TSEN2: variants seen among roughly 807,000 people sequenced by gnomAD.
The protein encoded by TSEN2 is tRNA splicing endonuclease subunit 2.
Under a neutral mutation model 59.2 loss-of-function variants are expected in TSEN2, and 54 were observed. The observed-to-expected ratio is 0.91, with a 90% CI of 0.73 to 1.14. The LOEUF (loss-of-function observed/expected upper bound fraction) is 1.14. TSEN2 is among the 50% of genes most tolerant of loss of function. The pLI is 0.00. For missense variants in TSEN2, 636 were observed against 576.2 expected (o/e 1.10, Z -1.06); for synonymous variants, 195 against 198.2 (o/e 0.98, Z 0.14).
rs1410715306 is a variant in TSEN2, at chr3:12,502,542, TAAC to T, written c.309-714_309-712del. 2.2e-3 allele frequency among the ~76,000 whole-genome samples: 336 copies of T among 151,144 alleles called. 1 individual carries two copies. The highest frequency in any genetic ancestry group is 7.6e-3 in the African/African-American group (312 of 41,178). On this transcript the variant is annotated intron_variant, in intron 4 of 11. Coordinates refer to ENST00000284995, the MANE Select transcript of TSEN2 (RefSeq NM_025265.4). Reference sequence around the variant, plus strand: ...CAGAGCAAGACTCCATCTCAAAAAATAACAACAATAATACAAAAAAAAAATCTT... The same window carrying T: ...CAGAGCAAGACTCCATCTCAAAAAATAACAATAATACAAAAAAAAAATCTT...
intron 8 of TSEN2, among the ~76,000 whole-genome samples, chr3:12,520,771 C>CAGAG (rs35470355): frequency 0.55 from 82,731 of 150,936 alleles, 24,532 homozygotes; most frequent in African/African-American, 0.78. Context: ...GCCTGGGTGA[C>CAGAG]AGAGACTCCA....
chr3:12,516,698 T>A (rs757459626), intron 7 of TSEN2, 37 bp downstream of exon 7: 3 of 1,591,008 alleles, frequency 1.9e-6, no homozygotes, highest in Non-Finnish European at 2.6e-6. Flanking sequence ...CACTTAAAAT[T>A]TCCCTGTTGT....
chr3:12,487,236 A>C (rs2052710410), intron 1 of TSEN2, among the ~76,000 whole-genome samples: 1 of 152,210 alleles, frequency 6.6e-6, no homozygotes, highest in African/African-American at 2.4e-5. Context: ...CAAATTCCTG[A>C]GGGGTGTGCA....
chr3:12,502,766 GT>G (rs1273234214), intron 4 of TSEN2, among the ~76,000 whole-genome samples: 1 of 144,632 alleles, frequency 6.9e-6, no homozygotes, highest in African/African-American at 2.6e-5. Context: ...ACATATGCTT[GT>G]TGCAGAACAC....
intron 9 of TSEN2, among the ~76,000 whole-genome samples, chr3:12,529,452 C>T (rs915777126): frequency 1.6e-5 from 2 of 128,306 alleles, no homozygotes; most frequent in Non-Finnish European, 3.1e-5. Flanking sequence ...GGTGATAGAG[C>T]GAGACTCCGT....
rs1225214690 is a variant in TSEN2 at position 12,528,877 on chromosome 3, C to G, written c.1100-11C>G. On this transcript the variant is annotated splice_polypyrimidine_tract_variant and intron_variant, in intron 8 of 11. Coordinates refer to ENST00000284995, the MANE Select transcript of TSEN2 (RefSeq NM_025265.4). ...GTGGTTATACTTCTTTTTTTTCTTTCTTCTTTGCAGTGCTATATCGGAAAG... is the reference window on the plus strand; with the variant it reads ...GTGGTTATACTTCTTTTTTTTCTTTGTTCTTTGCAGTGCTATATCGGAAAG... The G allele has an allele frequency of 2.5e-6, 4 of 1,613,132 alleles. No homozygotes were observed. The highest frequency in any genetic ancestry group is 2.2e-5 in the East Asian group (1 of 44,848).
intron 1 of TSEN2, among the ~76,000 whole-genome samples, chr3:12,489,168 CT>C (rs11309069): frequency 0.065 from 9,820 of 152,092 alleles, 695 homozygotes; most frequent in African/African-American, 0.17. Flanking sequence ...GATAGTCTGG[CT>C]TTAGAGTCCC....
At chr3:12,481,925 A>C (rs79773930), upstream of TSEN2, among the ~76,000 whole-genome samples, 1 of 33,976 alleles carries the variant, frequency 2.9e-5, no homozygotes, top group African/African-American at 5.6e-4. Context: ...GTGTCTGCGT[A>C]TATATATATA....
chr3:12,519,058 G>A lies in TSEN2; in HGVS notation c.961-1G>A, dbSNP rs1343562191. On this transcript the variant is annotated splice_acceptor_variant, in intron 7 of 11. Transcript: ENST00000284995. LOFTEE classifies it high-confidence loss of function. ...TTTTGTTTTTTTGTAAATAACTTTA[G>A]GAGCCTTTAACGATAGTGAAGCTCT... 1 of 1,614,126 alleles carries A rather than the reference G, an allele frequency of 6.2e-7. No individual in the cohort carries two copies. The highest frequency in any genetic ancestry group is 1.7e-5 in the Admixed American group (1 of 60,020).
At chr3:12,498,664 G>T (rs906433088) in intron 4 of TSEN2, among the ~76,000 whole-genome samples, 6 of 152,176 alleles carry the variant, frequency 3.9e-5, no homozygotes, top group Non-Finnish European at 8.8e-5. Context: ...TTGCTTGAAG[G>T]GGGTATGCTT....
chr3:12,529,852 A>C lies in TSEN2; in HGVS notation c.1227A>C (p.Arg409Ser), dbSNP rs532202179. 2 of 1,613,866 alleles carry C rather than the reference A, an allele frequency of 1.2e-6. No homozygotes were observed. The highest frequency in any genetic ancestry group is 2.2e-5 in the East Asian group (1 of 44,866). ...GGAAGTCCCTGGCTGCCTTGAGCAG[A>C]GTTTCCGTTAATGTCTCTAAGGTAA... The part of the protein sequence containing the change: ...LSWKSLAALS[R>S]VSVNVSKELM... The change falls in exon 10 of 12, where the codon AGA (arginine) becomes AGC (serine). Residue 409 changes from arginine to serine, a missense_variant. Transcript: ENST00000284995.
chr3:12,522,683 C>T (rs2056747128), intron 8 of TSEN2, among the ~76,000 whole-genome samples: 1 of 152,232 alleles, frequency 6.6e-6, no homozygotes, highest in Non-Finnish European at 1.5e-5. Context: ...GAGCTAGTGA[C>T]TCCTAATACA....
intron 10 of TSEN2, chr3:12,530,710 T>C (rs1041837068): frequency 1.0e-6 from 1 of 985,418 alleles, no homozygotes; most frequent in Non-Finnish European, 1.2e-6. Context: ...AGGGAGCCTA[T>C]ACTGTTTCTA....
intron 8 of TSEN2, among the ~76,000 whole-genome samples, chr3:12,525,364 T>A (rs1380792003): frequency 6.6e-6 from 1 of 152,212 alleles, no homozygotes; most frequent in Non-Finnish European, 1.5e-5. Context: ...AGTGATACCA[T>A]AAGTACCATA....
chr3:12,494,359 C>T (rs1406960967), intron 3 of TSEN2, among the ~76,000 whole-genome samples: 1 of 152,132 alleles, frequency 6.6e-6, no homozygotes, highest in Non-Finnish European at 1.5e-5. Flanking sequence ...TGTGGTTTAT[C>T]TAAAAAGATG....
In TSEN2 at chr3:12,503,792, G is replaced by A. The variant is rs747189328; in HGVS notation, c.831+8G>A. The A allele has an allele frequency of 4.3e-6, 7 of 1,613,234 alleles. No individual in the cohort carries two copies. Among genetic ancestry groups the A allele is most frequent in the Non-Finnish European group, 5.1e-6 (6 of 1,179,846 alleles). On this transcript the variant is annotated splice_region_variant and intron_variant, in intron 5 of 11. Transcript: ENST00000284995. ...GCTGCCCCAAATGAGGAAGTAAGTA[G>A]AAGAAAATAAATCGCTTCCTCCAAA... is the stretch of plus-strand genomic sequence containing the variant.
At chr3:12,506,818 G>A (rs1316484237) in intron 6 of TSEN2, 1 of 985,284 alleles carries the variant, frequency 1.0e-6, no homozygotes, top group East Asian at 1.1e-4. Flanking sequence ...AGTGTCCAGT[G>A]TGGTTCTTGG....
intron 6 of TSEN2, among the ~76,000 whole-genome samples, chr3:12,510,370 C>CT (rs1304132189): frequency 1.3e-5 from 2 of 152,238 alleles, no homozygotes; most frequent in Non-Finnish European, 2.9e-5. Flanking sequence ...ATTTCTTAGT[C>CT]TAACTCCAGT....
chr3:12,510,900 T>C (rs2055378295), intron 6 of TSEN2, among the ~76,000 whole-genome samples: 1 of 152,202 alleles, frequency 6.6e-6, no homozygotes. Flanking sequence ...GCAGAGCCTT[T>C]TGATTAAGGT....
Sources: allele counts gnomAD v4.1 joint callset (sites outside exome capture counted in the v4.1 genomes callset), GRCh38; gene constraint gnomAD v4.1.1; transcripts MANE v1.5; gene names NCBI Gene and HGNC (gene_info 2026-07-23, HGNC 2026-07-21).